PCCB: variants seen among roughly 807,000 people sequenced by gnomAD.
PCCB encodes propionyl-CoA carboxylase beta chain, mitochondrial.
PCCB carries 43 observed loss-of-function variants against 60.7 expected under a neutral mutation model. That is an observed-to-expected ratio of 0.71 (90% CI 0.55 to 0.91). The LOEUF is 0.91. PCCB is among the 40% of genes least tolerant of loss of function. The probability of loss-of-function intolerance (pLI) is 0.00; values close to 1 mark genes in which losing one functional copy is unlikely to be tolerated. For synonymous variants in PCCB, 276 were observed against 255.9 expected (o/e 1.08, Z -0.75); for missense variants, 766 against 702.8 (o/e 1.09, Z -1.02).
intron 6 of PCCB, among the ~76,000 whole-genome samples, chr3:136,287,104 C>G (rs1379191496): frequency 1.3e-5 from 2 of 151,454 alleles, no homozygotes; most frequent in African/African-American, 4.8e-5. Context: ...CATCATGATC[C>G]TTTCTAAGGA....
chr3:136,301,399 G>T (rs1934274356), intron 9 of PCCB, among the ~76,000 whole-genome samples: 1 of 152,056 alleles, frequency 6.6e-6, no homozygotes, highest in African/African-American at 2.4e-5. Flanking sequence ...CATAAATTAG[G>T]GGCCATGTCC....
chr3:136,269,634 C>T (rs1226663183), intron 5 of PCCB, among the ~76,000 whole-genome samples: 1 of 151,666 alleles, frequency 6.6e-6, no homozygotes, highest in Non-Finnish European at 1.5e-5. Context: ...GCCTGTGATC[C>T]CAGCACTTTG....
chr3:136,299,509 G>C (rs1474507509), intron 8 of PCCB, among the ~76,000 whole-genome samples: 1 of 138,264 alleles, frequency 7.2e-6, no homozygotes, highest in Admixed American at 7.1e-5. Context: ...TGTATGTATA[G>C]GTATGCATGT....
At chr3:136,264,044 A>C (rs951111500) in intron 5 of PCCB, among the ~76,000 whole-genome samples, 5 of 152,116 alleles carry the variant, frequency 3.3e-5, no homozygotes, top group Non-Finnish European at 7.4e-5. Context: ...CTTCACAGAA[A>C]AATGACAAGA....
Position 136,327,271 on chromosome 3 carries a change from T to TG in PCCB, c.1299+18dup. On this transcript the variant is annotated intron_variant, in intron 12 of 14. Coordinates refer to ENST00000251654, the MANE Select transcript of PCCB (RefSeq NM_000532.5). ...CACCAGGAAGGTGAGGACCTCATGT[T>TG]GGAGGCCATGACCCTGCTCACTTTC... 1 of 1,589,520 alleles carries TG rather than the reference T, an allele frequency of 6.3e-7. No homozygotes were observed. Among genetic ancestry groups the TG allele is most frequent in the Non-Finnish European group, 8.6e-7 (1 of 1,157,504 alleles).
chr3:136,317,670 T>G (rs544901696), intron 10 of PCCB, among the ~76,000 whole-genome samples: 1 of 152,324 alleles, frequency 6.6e-6, no homozygotes, highest in South Asian at 2.1e-4. Flanking sequence ...CAGCTAAATA[T>G]ATGACTCACC....
intron 9 of PCCB, among the ~76,000 whole-genome samples, 198 bp downstream of exon 9, chr3:136,301,309 C>G (rs1934270832): frequency 6.6e-6 from 1 of 152,074 alleles, no homozygotes; most frequent in Non-Finnish European, 1.5e-5. Context: ...ACCCTAGTGG[C>G]ACAGATGGAC....
rs1261063714 is a variant in PCCB at position 136,268,116 on chromosome 3, ATATATG to A, written c.543+6057_543+6062del. On this transcript the variant is annotated intron_variant, in intron 5 of 14. Transcript: ENST00000251654. The stretch of plus-strand genomic sequence containing the variant: ...TATATATATATATATATATATATAT[ATATATG>A]TATATATATATATATATATCTACAT... 6.3e-4 allele frequency among the ~76,000 whole-genome samples: 75 copies of A among 119,146 alleles called. 1 individual carries two copies. Among genetic ancestry groups the A allele is most frequent in the African/African-American group, 2.6e-3 (71 of 26,920 alleles). 78.2% of individuals were successfully genotyped at this position (119,146 alleles called of 152,430 possible). A position where few individuals can be genotyped will look rare whatever the true frequency, so the allele number is the denominator to read the frequency against.
chr3:136,278,144 G>A (rs952394339), intron 5 of PCCB, among the ~76,000 whole-genome samples: 1 of 152,140 alleles, frequency 6.6e-6, no homozygotes, highest in African/African-American at 2.4e-5. Flanking sequence ...AGCACTTCCC[G>A]CCACTGTTTC....
rs1941805669 is a variant in PCCB, at chr3:136,260,989, G to T, written c.429+454G>T. Among the ~76,000 whole-genome samples, 4 of 152,132 alleles carry T rather than the reference G, an allele frequency of 2.6e-5. 1 individual carries two copies. The South Asian group carries it at 8.3e-4, about 31-fold the overall frequency. On this transcript the variant is annotated intron_variant, in intron 4 of 14. Coordinates refer to ENST00000251654, the MANE Select transcript of PCCB (RefSeq NM_000532.5). ...AATCACAGATATTTCTAATACTGAGGCTCATTGCCTATATCAATAATGAAG... is the reference window on the plus strand; with the variant it reads ...AATCACAGATATTTCTAATACTGAGTCTCATTGCCTATATCAATAATGAAG...
chr3:136,322,702 T>C (rs1935150495), intron 10 of PCCB, among the ~76,000 whole-genome samples: 1 of 152,244 alleles, frequency 6.6e-6, no homozygotes, highest in Non-Finnish European at 1.5e-5. Flanking sequence ...TATTTCCTAA[T>C]GTAGCTTTGT....
At position 136,262,077 on chromosome 3, in the gene PCCB, GTTAATA is replaced by G; in HGVS notation, c.543+13_543+18del. On this transcript the variant is annotated intron_variant, in intron 5 of 14. Transcript: ENST00000251654. ...CAGACATCTTTCTGGTGAGAAACCT[GTTAATA>G]GAGAATAAAAAAATACAGGGCTTAA... 1 of 1,484,606 alleles carries G rather than the reference GTTAATA, an allele frequency of 6.7e-7. No homozygotes were observed. The highest frequency in any genetic ancestry group is 9.2e-7 in the Non-Finnish European group (1 of 1,085,370). 92.0% of individuals were successfully genotyped at this position (1,484,606 alleles called of 1,614,324 possible).
rs953735323 is a variant in PCCB, at chr3:136,303,611, A to AT, written c.966+2509dup. On this transcript the variant is annotated intron_variant, in intron 9 of 14. Coordinates refer to ENST00000251654, the MANE Select transcript of PCCB (RefSeq NM_000532.5). ...TTACTTATTTATTTATTTAAAAAAA[A>AT]TTTTTTTTTGAGACAGAGTTTTGCT... Among the ~76,000 whole-genome samples, 3 of 120,132 alleles carry AT rather than the reference A, an allele frequency of 2.5e-5. 1 individual carries two copies. The highest frequency in any genetic ancestry group is 5.5e-5 in the Non-Finnish European group (3 of 54,084). The allele number at this position is 120,132 out of a possible 152,430, so 78.8% of individuals were successfully genotyped here. A position where few individuals can be genotyped will look rare whatever the true frequency, so the allele number is the denominator to read the frequency against.
intron 6 of PCCB, among the ~76,000 whole-genome samples, chr3:136,286,415 G>A (rs998569498): frequency 1.3e-4 from 20 of 152,190 alleles, no homozygotes; most frequent in Non-Finnish European, 2.6e-4. Context: ...ATTTCCATTT[G>A]GACTTTAATG....
Position 136,260,549 on chromosome 3 carries a change from A to G in PCCB, c.429+14A>G. The G allele has an allele frequency of 6.2e-7, 1 of 1,602,320 alleles. No homozygotes were observed. Among genetic ancestry groups the G allele is most frequent in the South Asian group, 1.1e-5 (1 of 90,560 alleles). The stretch of plus-strand genomic sequence containing the variant: ...AAGATCTGCAAAGTAAGTGTTTAAT[A>G]CTCAAATTCAATCCATTGCTTTCCT... On this transcript the variant is annotated intron_variant, in intron 4 of 14. Transcript: ENST00000251654.
chr3:136,327,910 G>T (rs1054302269), intron 13 of PCCB, among the ~76,000 whole-genome samples, 178 bp downstream of exon 13: 2 of 152,198 alleles, frequency 1.3e-5, no homozygotes, highest in Admixed American at 6.5e-5. Flanking sequence ...AGATAGCTCT[G>T]CCTCCTGTCC....
chr3:136,273,998 T>A (rs1942276831), intron 5 of PCCB, among the ~76,000 whole-genome samples: 2 of 151,572 alleles, frequency 1.3e-5, no homozygotes, highest in South Asian at 4.2e-4. Context: ...TCCCCCCCTT[T>A]ACCTTGAGGT....
At chr3:136,317,158 G>C (rs1934929035) in intron 10 of PCCB, 94 bp downstream of exon 10, 1 of 1,174,864 alleles carries the variant, frequency 8.5e-7, no homozygotes, top group Non-Finnish European at 1.2e-6. Context: ...CTGTTCTTCA[G>C]ACATGGCCTT....
intron 8 of PCCB, among the ~76,000 whole-genome samples, chr3:136,300,134 A>G (rs935855040): frequency 6.6e-6 from 1 of 151,300 alleles, no homozygotes; most frequent in African/African-American, 2.4e-5. Flanking sequence ...ATATATGTAT[A>G]TCTACACATG....
Sources: allele counts gnomAD v4.1 joint callset (sites outside exome capture counted in the v4.1 genomes callset), GRCh38; gene constraint gnomAD v4.1.1; transcripts MANE v1.5; gene names NCBI Gene and HGNC (gene_info 2026-07-23, HGNC 2026-07-21).